The following LOC400499 variants were observed in gnomAD, a reference collection of about 807,000 sequenced individuals.
At chr16:11,403,437 G>A in the LOC400499 span, among the ~76,000 whole-genome samples, 3 of 152,144 alleles carry the variant, frequency 2.0e-5, no homozygotes, top group East Asian at 3.9e-4. Flanking sequence ...ATGCACACAC[G>A]TGCATGTATA....
At chr16:11,469,651 G>A in the LOC400499 span, 2 of 399,002 alleles carry the variant, frequency 5.0e-6, no homozygotes, top group Non-Finnish European at 8.8e-6. Context: ...GGCTTCTTGG[G>A]GGAACCAGCT....
At chr16:11,511,283 C>T in the LOC400499 span, among the ~76,000 whole-genome samples, 339 of 152,284 alleles carry the variant, frequency 2.2e-3, 3 homozygotes, top group African/African-American at 7.8e-3. Context: ...AGGCTTGAGC[C>T]ACTGTGCCCA....
the LOC400499 span, chr16:11,401,932 C>T: frequency 2.5e-6 from 1 of 398,508 alleles, no homozygotes; most frequent in Non-Finnish European, 4.4e-6. Flanking sequence ...CCTCATTGAC[C>T]CCAGATAAGG....
the LOC400499 span, among the ~76,000 whole-genome samples, chr16:11,482,863 G>A: frequency 6.7e-6 from 1 of 150,022 alleles, no homozygotes; most frequent in Admixed American, 6.7e-5. Flanking sequence ...CTGCACTCCA[G>A]CCTGCATGAC....
the LOC400499 span, among the ~76,000 whole-genome samples, chr16:11,382,863 G>A: frequency 6.6e-6 from 1 of 152,094 alleles, no homozygotes; most frequent in East Asian, 1.9e-4. Context: ...GTGGCTCTGT[G>A]GACACTTAGC....
chr16:11,504,286 T>C, the LOC400499 span, among the ~76,000 whole-genome samples: 1 of 152,154 alleles, frequency 6.6e-6, no homozygotes, highest in Admixed American at 6.5e-5. Context: ...CCTGGCGCGG[T>C]GGTTCACGCC....
At chr16:11,461,012 G>T in the LOC400499 span, 3 of 1,536,040 alleles carry the variant, frequency 2.0e-6, no homozygotes, top group Non-Finnish European at 2.6e-6. Context: ...AGCTGGCCCC[G>T]TTGCTGCAGC....
the LOC400499 span, chr16:11,473,091 G>C: frequency 2.7e-5 from 4 of 149,946 alleles, no homozygotes. Context: ...ACTCTAGCCT[G>C]GGTGACAGAG....
At chr16:11,431,331 A>G in the LOC400499 span, 1 of 398,202 alleles carries the variant, frequency 2.5e-6, no homozygotes, top group Admixed American at 4.4e-5. Flanking sequence ...GACCTGGGAC[A>G]AGGACATAAC....
the LOC400499 span, chr16:11,502,108 G>A: frequency 2.5e-6 from 1 of 399,116 alleles, no homozygotes; most frequent in African/African-American, 2.1e-5. Context: ...GAAGAATATT[G>A]CCAGAGTTCC....
At chr16:11,486,581 ATGGGTGGATGGG>A in the LOC400499 span, among the ~76,000 whole-genome samples, 1 of 30,912 alleles carries the variant, frequency 3.2e-5, no homozygotes, top group Non-Finnish European at 5.5e-5. Flanking sequence ...TGGATGATGG[ATGGGTGGATGGG>A]TGGGTGGGTG....
the LOC400499 span, among the ~76,000 whole-genome samples, chr16:11,446,157 C>T: frequency 6.8e-6 from 1 of 147,614 alleles, no homozygotes; most frequent in African/African-American, 2.5e-5. Context: ...GGTTGGGGGG[C>T]GGGGGAGTGG....
the LOC400499 span, among the ~76,000 whole-genome samples, chr16:11,499,944 A>T: frequency 0.036 from 5,403 of 152,194 alleles, 132 homozygotes; most frequent in Non-Finnish European, 0.052. Context: ...CGGTTTTCTC[A>T]CCTGCAAAAT....
At chr16:11,485,289 T>C in the LOC400499 span, among the ~76,000 whole-genome samples, 1 of 152,166 alleles carries the variant, frequency 6.6e-6, no homozygotes, top group African/African-American at 2.4e-5. Flanking sequence ...GTAAGAATTC[T>C]TGCCAATTCT....
At chr16:11,418,179 A>T in the LOC400499 span, among the ~76,000 whole-genome samples, 1 of 152,160 alleles carries the variant, frequency 6.6e-6, no homozygotes, top group Non-Finnish European at 1.5e-5. Flanking sequence ...CACAGCCTAC[A>T]TCTGTTGTTG....
At chr16:11,460,637 GC>G in the LOC400499 span, 1 of 1,501,404 alleles carries the variant, frequency 6.7e-7, no homozygotes, top group South Asian at 1.2e-5. Context: ...AGAGACCCCT[GC>G]CCTCCTCTGC....
At chr16:11,399,737 C>T in the LOC400499 span, 241 of 398,920 alleles carry the variant, frequency 6.0e-4, 1 homozygote, top group African/African-American at 3.9e-3. Flanking sequence ...CCGTCCCAGG[C>T]GGTGCTGTGT....
chr16:11,484,188 T>C, the LOC400499 span, among the ~76,000 whole-genome samples: 1 of 151,660 alleles, frequency 6.6e-6, no homozygotes, highest in Non-Finnish European at 1.5e-5. Flanking sequence ...TTTGTATTCT[T>C]AGTAGAGACA....
the LOC400499 span, among the ~76,000 whole-genome samples, chr16:11,430,521 T>C: frequency 3.9e-5 from 6 of 151,924 alleles, no homozygotes; most frequent in East Asian, 7.7e-4. Flanking sequence ...AGAATTATCA[T>C]GTCTGCAATC....
Sources: allele counts gnomAD v4.1 joint callset (sites outside exome capture counted in the v4.1 genomes callset), GRCh38; gene constraint gnomAD v4.1.1; transcripts MANE v1.5.